The following BNC2 variants were observed in gnomAD, a reference collection of about 807,000 sequenced individuals.
BNC2 encodes the protein basonuclin zinc finger protein 2, also known as zinc finger protein basonuclin-2.
Under a neutral mutation model 76.3 loss-of-function variants are expected in BNC2, and 20 were observed. The ratio of observed to expected loss-of-function variants is 0.26; its 90% CI spans 0.18 to 0.38. BNC2 has a LOEUF of 0.38. Among genes scored for constraint, BNC2 ranks in the 10% least tolerant of loss-of-function variants. BNC2 has a pLI of 1.00. For synonymous variants in BNC2, 582 were observed against 514.8 expected, an observed-to-expected ratio of 1.13 and a Z score of -1.77; for missense variants, 1,382 against 1,399.8, an observed-to-expected ratio of 0.99 and a Z score of 0.20.
At chr9:16,643,730 T>C (rs1821552043) in intron 3 of BNC2, among the ~76,000 whole-genome samples, 1 of 152,184 alleles carries the variant, frequency 6.6e-6, no homozygotes, top group Non-Finnish European at 1.5e-5. Context: ...GTAGCTGCTA[T>C]TCAAAAATCA....
At chr9:16,667,069 T>C (rs1002059446) in intron 3 of BNC2, among the ~76,000 whole-genome samples, 2 of 148,646 alleles carry the variant, frequency 1.3e-5, no homozygotes, top group Non-Finnish European at 3.0e-5. Flanking sequence ...CACACATCAC[T>C]CAGATACACA....
chr9:16,450,367 A>G (rs750564827), intron 5 of BNC2, among the ~76,000 whole-genome samples: 3 of 152,250 alleles, frequency 2.0e-5, no homozygotes, highest in Non-Finnish European at 4.4e-5. Flanking sequence ...ATGATTCTGC[A>G]GATTATCAGG....
At chr9:16,614,934 T>G (rs1292419279) in intron 3 of BNC2, among the ~76,000 whole-genome samples, 1 of 125,366 alleles carries the variant, frequency 8.0e-6, no homozygotes, top group African/African-American at 3.1e-5. Context: ...CCAGCTTGGA[T>G]GACAGAGTGA....
intron 5 of BNC2, among the ~76,000 whole-genome samples, chr9:16,488,098 G>T (rs911863439): frequency 6.6e-6 from 1 of 152,120 alleles, no homozygotes; most frequent in Admixed American, 6.6e-5. Context: ...CATGCAAAAA[G>T]GCACCGTTTC....
In BNC2 at chr9:16,747,587, T is replaced by G. The variant is rs529747406; in HGVS notation, c.4-9102A>C. Reference sequence around the variant, plus strand: ...GAGTTTAGTCACTTGGCCGAAGTCTTATATTAAGGGTCAAACTGGGAATTC... The same window carrying G: ...GAGTTTAGTCACTTGGCCGAAGTCTGATATTAAGGGTCAAACTGGGAATTC... On this transcript the variant is annotated intron_variant, in intron 1 of 6. Transcript: ENST00000380672. 1.8e-4 allele frequency among the ~76,000 whole-genome samples: 27 copies of G among 152,310 alleles called. 1 individual carries two copies. In the South Asian group the frequency reaches 5.6e-3, roughly 32 times the overall value.
chr9:16,846,521 C>G (rs923680473), intron 1 of BNC2, among the ~76,000 whole-genome samples: 5 of 152,232 alleles, frequency 3.3e-5, no homozygotes, highest in Non-Finnish European at 5.9e-5. Flanking sequence ...CCAGCATTAA[C>G]TGCTCCCAGT....
At chr9:16,636,928 T>A (rs1407123446) in intron 3 of BNC2, among the ~76,000 whole-genome samples, 1 of 151,336 alleles carries the variant, frequency 6.6e-6, no homozygotes. Flanking sequence ...ATGATTTAAA[T>A]ATATATATAT....
At chr9:16,581,749 C>T (rs1255137176) in intron 4 of BNC2, among the ~76,000 whole-genome samples, 3 of 152,112 alleles carry the variant, frequency 2.0e-5, no homozygotes, top group African/African-American at 7.2e-5. Flanking sequence ...AAAGAGACTG[C>T]AGAAGTAAAT....
chr9:16,592,247 A>C (rs889685540), intron 3 of BNC2, among the ~76,000 whole-genome samples: 6 of 152,242 alleles, frequency 3.9e-5, no homozygotes, highest in African/African-American at 1.4e-4. Flanking sequence ...AATGATGTTA[A>C]AAATCAGGAG....
At chr9:16,602,550 G>T (rs1267788079) in intron 3 of BNC2, among the ~76,000 whole-genome samples, 1 of 152,166 alleles carries the variant, frequency 6.6e-6, no homozygotes, top group Non-Finnish European at 1.5e-5. Flanking sequence ...CTTTTCAGTG[G>T]TGCCACATAC....
chr9:16,698,046 G>C (rs1006544962), intron 3 of BNC2, among the ~76,000 whole-genome samples: 54 of 152,296 alleles, frequency 3.5e-4, no homozygotes, highest in African/African-American at 1.3e-3. Flanking sequence ...CTATCCTGCT[G>C]CCTACTTTTG....
chr9:16,566,979 T>C (rs753807145), intron 4 of BNC2, among the ~76,000 whole-genome samples: 2 of 152,212 alleles, frequency 1.3e-5, no homozygotes, highest in Non-Finnish European at 2.9e-5. Flanking sequence ...CTCCTTAAAC[T>C]GTGAATGAGG....
intron 1 of BNC2, among the ~76,000 whole-genome samples, chr9:16,804,981 G>C (rs1160060798): frequency 6.6e-6 from 1 of 152,062 alleles, no homozygotes; most frequent in Non-Finnish European, 1.5e-5. Context: ...AGAATCTCTT[G>C]AACTCGGGAG....
At chr9:16,661,507 T>A (rs971616938) in intron 3 of BNC2, among the ~76,000 whole-genome samples, 1 of 152,100 alleles carries the variant, frequency 6.6e-6, no homozygotes, top group Non-Finnish European at 1.5e-5. Context: ...GACTCTGGAG[T>A]CCTCTGTCTC....
At chr9:16,856,282 C>T (rs893881322) in intron 1 of BNC2, among the ~76,000 whole-genome samples, 7 of 56,434 alleles carry the variant, frequency 1.2e-4, no homozygotes, top group African/African-American at 2.7e-4. Flanking sequence ...CTCTCTCACA[C>T]ACACACACAC....
chr9:16,691,980 T>G (rs1405395126), intron 3 of BNC2, among the ~76,000 whole-genome samples: 3 of 151,886 alleles, frequency 2.0e-5, no homozygotes, highest in Admixed American at 6.6e-5. Flanking sequence ...CTGGCTAATT[T>G]TTGTACTTTT....
chr9:16,588,192 A>G (rs924565869), intron 3 of BNC2, among the ~76,000 whole-genome samples: 3 of 152,222 alleles, frequency 2.0e-5, no homozygotes, highest in African/African-American at 7.2e-5. Flanking sequence ...GTGTTAACCT[A>G]TCCGGCAACA....
intron 5 of BNC2, among the ~76,000 whole-genome samples, chr9:16,509,354 G>C (rs529360251): frequency 4.3e-4 from 66 of 152,160 alleles, no homozygotes; most frequent in Non-Finnish European, 8.4e-4. Flanking sequence ...TTTCATGCAA[G>C]GCAGCTGTTG....
chr9:16,782,045 G>C (rs955328739), intron 1 of BNC2, among the ~76,000 whole-genome samples: 1 of 152,016 alleles, frequency 6.6e-6, no homozygotes, highest in Non-Finnish European at 1.5e-5. Context: ...TCAACACTTT[G>C]GGAGGCCGAG....
Sources: allele counts gnomAD v4.1 joint callset (sites outside exome capture counted in the v4.1 genomes callset), GRCh38; gene constraint gnomAD v4.1.1; transcripts MANE v1.5; gene names NCBI Gene and HGNC (gene_info 2026-07-23, HGNC 2026-07-21).